The following ACOD1 variants were observed in gnomAD, a reference collection of about 807,000 sequenced individuals.
ACOD1 encodes cis-aconitate decarboxylase.
A neutral mutation model predicts 14.2 loss-of-function variants in ACOD1; 14 were observed. The ratio of observed to expected loss-of-function variants is 0.99; its 90% confidence interval spans 0.65 to 1.54. The LOEUF (loss-of-function observed/expected upper bound fraction) is 1.54. ACOD1 is among the 40% of genes most tolerant of loss of function. ACOD1 has a pLI of 0.00. For missense variants in ACOD1, 530 were observed against 586.3 expected (o/e 0.90, Z 0.99); for synonymous variants, 182 against 221.7 (o/e 0.82, Z 1.59).
intron 3 of ACOD1, among the ~76,000 whole-genome samples, 193 bp from the exon 4 acceptor site, chr13:76,955,126 C>CAAAAAAAAAAAAAAAAAAAAAAAAA: frequency 1.0e-5 from 1 of 98,874 alleles, no homozygotes; most frequent in South Asian, 4.2e-4. Context: ...GACTCTGTCT[C>CAAAAAAAAAAAAAAAAAAAAAAAAA]AAAAAAAAAA....
intron 1 of ACOD1, among the ~76,000 whole-genome samples, chr13:76,951,902 G>A (rs1191541882): frequency 6.6e-6 from 1 of 152,046 alleles, no homozygotes; most frequent in East Asian, 1.9e-4. Flanking sequence ...TGACCATTTG[G>A]GACTTGATAG....
At position 76,953,592 on chromosome 13, in the gene ACOD1, T is replaced by C. The variant is rs1168713407; in HGVS notation, c.175-8T>C. 2 of 1,523,866 alleles carry C rather than the reference T, an allele frequency of 1.3e-6. No individual in the cohort carries two copies. The highest frequency in any genetic ancestry group is 1.8e-6 in the Non-Finnish European group (2 of 1,122,990). 94.4% of individuals were successfully genotyped at this position (1,523,866 alleles called of 1,614,324 possible). A position where few individuals can be genotyped will look rare whatever the true frequency, so the allele number is the denominator to read the frequency against. Reference sequence around the variant, plus strand: ...ACACTATCACTGGTTGATTTGCTTTTGTTCCAGATCTACAGTTCCAACATA... The same window carrying C: ...ACACTATCACTGGTTGATTTGCTTTCGTTCCAGATCTACAGTTCCAACATA... On this transcript the variant is annotated splice_polypyrimidine_tract_variant and splice_region_variant and intron_variant, in intron 2 of 4. Coordinates refer to ENST00000377462, the MANE Select transcript of ACOD1 (RefSeq NM_001258406.2).
Position 76,957,664 on chromosome 13 carries a change from G to A in ACOD1, c.1125G>A (p.Pro375=), listed in dbSNP as rs199767917. 7.2e-5 allele frequency: 112 copies of A among 1,550,552 alleles called. No homozygotes were observed. Among genetic ancestry groups the A allele is most frequent in the Admixed American group, 6.7e-4 (34 of 50,998 alleles). ...LLSKVELEYP[P]DNLPSFNILY... ...GTAAGGTGGAGCTGGAGTACCCTCC[G>A]GACAACTTGCCAAGCTTCAACATAC... The change falls in exon 5 of 5, where the codon CCG becomes CCA. Residue 375 remains proline, a synonymous_variant. Transcript: ENST00000377462.
intron 3 of ACOD1, among the ~76,000 whole-genome samples, chr13:76,954,910 C>T (rs981001563): frequency 1.1e-4 from 17 of 151,972 alleles, no homozygotes; most frequent in Non-Finnish European, 1.9e-4. Context: ...GGGCGGATAA[C>T]GAGGTCAGGA....
Position 76,948,574 on chromosome 13 carries a change from T to C in ACOD1, c.12+4T>C, listed in dbSNP as rs1444384517. 1 of 1,536,224 alleles carries C rather than the reference T, an allele frequency of 6.5e-7. No individual in the cohort carries two copies. Among genetic ancestry groups the C allele is most frequent in the East Asian group, 2.5e-5 (1 of 40,542 alleles). On this transcript the variant is annotated splice_donor_region_variant and intron_variant, in intron 1 of 4. Transcript: ENST00000377462. ...TTACAACGAAATGATGCTCAAGGTA[T>C]TGTAGCATTTTATGTGACTTACTTA...
chr13:76,952,607 G>A lies in ACOD1; in HGVS notation c.131G>A (p.Gly44Glu), dbSNP rs1304188025. ...ILDTLGAGFL[G>E]TTTEVFHIAS... is the part of the protein sequence containing the mutation. ...GACACTCTGGGTGCTGGGTTCCTGGGAACCACTACGGAAGTGTTTCACATA... is the reference window on the plus strand; with the variant it reads ...GACACTCTGGGTGCTGGGTTCCTGGAAACCACTACGGAAGTGTTTCACATA... Residue 44 changes from glycine to glutamate, a missense_variant, in exon 2 of 5, where the codon GGA becomes GAA. By Grantham distance (98) the Gly-to-Glu change is moderately conservative. Coordinates refer to ENST00000377462, the MANE Select transcript of ACOD1 (RefSeq NM_001258406.2). 3.2e-6 allele frequency: 5 copies of A among 1,550,334 alleles called. No homozygotes were observed. Among genetic ancestry groups the A allele is most frequent in the Non-Finnish European group, 3.5e-6 (4 of 1,146,972 alleles).
chr13:76,955,906 A>G (rs2033870775), intron 4 of ACOD1, among the ~76,000 whole-genome samples: 1 of 152,230 alleles, frequency 6.6e-6, no homozygotes, highest in African/African-American at 2.4e-5. Context: ...GCAGATAAAA[A>G]ATGGTCAAAT....
rs1025231579 is a variant in ACOD1, at chr13:76,957,000, T to C, written c.471-10T>C. On this transcript the variant is annotated splice_polypyrimidine_tract_variant and intron_variant, in intron 4 of 4. Transcript: ENST00000377462. ...TTGTACATCTCCAACTCTGCTTCTT[T>C]GCTTTTCAGATTCCATCCCCCTTCC... is the stretch of plus-strand genomic sequence containing the variant. 39 of 1,539,960 alleles carry C rather than the reference T, an allele frequency of 2.5e-5. No individual in the cohort carries two copies. The highest frequency in any genetic ancestry group is 3.1e-5 in the Non-Finnish European group (35 of 1,141,216).
chr13:76,957,969 T>C lies in ACOD1; in HGVS notation c.1430T>C (p.Ile477Thr), dbSNP rs1277587914. ...ASNSPACNNSITNLS is the reference protein window; with the variant it reads ...ASNSPACNNSTTNLS Reference sequence around the variant, plus strand: ...AACTCTCCAGCATGTAATAATTCTATCACAAATCTCTCCTGAGGCTTACCA... The same window carrying C: ...AACTCTCCAGCATGTAATAATTCTACCACAAATCTCTCCTGAGGCTTACCA... The change falls in exon 5 of 5, where the codon ATC (isoleucine) becomes ACC (threonine). Residue 477 changes from isoleucine (I) to threonine (T), a missense_variant. Transcript: ENST00000377462. 3.9e-6 allele frequency: 6 copies of C among 1,529,312 alleles called. No individual in the cohort carries two copies. The African/African-American group carries it at 5.6e-5, about 14-fold the overall frequency. The allele number at this position is 1,529,312 out of a possible 1,614,324, so 94.7% of individuals were successfully genotyped here. A position where few individuals can be genotyped will look rare whatever the true frequency, so the allele number is the denominator to read the frequency against.
At chr13:76,953,004 T>C (rs1253919264) in intron 2 of ACOD1, among the ~76,000 whole-genome samples, 2 of 152,090 alleles carry the variant, frequency 1.3e-5, no homozygotes, top group African/African-American at 4.8e-5. Context: ...CCAGGTGTGA[T>C]AGCACACGCC....
Position 76,958,632 on chromosome 13 carries a change from G to T in ACOD1, c.*647G>T, listed in dbSNP as rs2033904443. 1 of 152,088 alleles carries T rather than the reference G, an allele frequency of 6.6e-6. No individual in the cohort carries two copies. The highest frequency in any genetic ancestry group is 2.4e-5 in the African/African-American group (1 of 41,420). 9.4% of individuals were successfully genotyped at this position (152,088 alleles called of 1,614,324 possible). A position where few individuals can be genotyped will look rare whatever the true frequency, so the allele number is the denominator to read the frequency against. On this transcript the variant is annotated 3_prime_UTR_variant, in exon 5 of 5. Transcript: ENST00000377462. ...TCAGTATAAAAATATTTGAATCAGAGTTGCAATAAAGAATGAAAAGGAAAA... is the reference window on the plus strand; with the variant it reads ...TCAGTATAAAAATATTTGAATCAGATTTGCAATAAAGAATGAAAAGGAAAA...
chr13:76,951,536 A>G (rs1021400064), intron 1 of ACOD1, among the ~76,000 whole-genome samples: 6 of 150,934 alleles, frequency 4.0e-5, no homozygotes, highest in African/African-American at 1.5e-4. Flanking sequence ...ACACCTGGTC[A>G]ATGAATAGAA....
At chr13:76,948,696 T>G in intron 1 of ACOD1, 126 bp downstream of exon 1, 3 of 709,608 alleles carry the variant, frequency 4.2e-6, no homozygotes, top group Non-Finnish European at 7.1e-6. Context: ...TCTTTCAACC[T>G]GTGGGCTACC....
Position 76,958,029 on chromosome 13 carries a change from T to A in ACOD1, c.*44T>A. 1 of 1,452,838 alleles carries A rather than the reference T, an allele frequency of 6.9e-7. No individual in the cohort carries two copies. The highest frequency in any genetic ancestry group is 9.0e-7 in the Non-Finnish European group (1 of 1,105,606). The allele number at this position is 1,452,838 out of a possible 1,614,324, so 90.0% of individuals were successfully genotyped here. On this transcript the variant is annotated 3_prime_UTR_variant, in exon 5 of 5. Coordinates refer to ENST00000377462, the MANE Select transcript of ACOD1 (RefSeq NM_001258406.2). ...TGACTTTGCATTTGGGGAGATTCAA[T>A]GATTTGGTTTGTAAAGCAAGGGTCT...
In ACOD1 at chr13:76,958,612, AT is replaced by A. The variant is rs1217856616; in HGVS notation, c.*628del. On this transcript the variant is annotated 3_prime_UTR_variant, in exon 5 of 5. Transcript: ENST00000377462. The stretch of plus-strand genomic sequence containing the variant: ...GCACTGCAATATATCACCTTTCAGT[AT>A]AAAAATATTTGAATCAGAGTTGCAA... 1.3e-5 allele frequency: 2 copies of A among 152,246 alleles called. No homozygotes were observed. The highest frequency in any genetic ancestry group is 2.9e-5 in the Non-Finnish European group (2 of 68,046). The allele number at this position is 152,246 out of a possible 1,614,324, so 9.4% of individuals were successfully genotyped here.
At chr13:76,956,041 A>G (rs940479291) in intron 4 of ACOD1, among the ~76,000 whole-genome samples, 4 of 152,230 alleles carry the variant, frequency 2.6e-5, no homozygotes, top group African/African-American at 9.6e-5. Context: ...CAATTCTCAC[A>G]GTGACTTAGA....
At position 76,957,170 on chromosome 13, in the gene ACOD1, A is replaced by G; in HGVS notation, c.631A>G (p.Ile211Val). ...NAATQTKPLHIGNAAKHGIEA... is the reference protein window; with the variant it reads ...NAATQTKPLHVGNAAKHGIEA... ...TGCCACCCAGACCAAGCCCCTCCAC[A>G]TTGGCAATGCTGCCAAGCATGGGAT... Residue 211 changes from isoleucine to valine, a missense_variant, in exon 5 of 5, where the codon ATT becomes GTT. Coordinates refer to ENST00000377462, the MANE Select transcript of ACOD1 (RefSeq NM_001258406.2). 4 of 1,550,652 alleles carry G rather than the reference A, an allele frequency of 2.6e-6. No individual in the cohort carries two copies. The highest frequency in any genetic ancestry group is 3.5e-6 in the Non-Finnish European group (4 of 1,146,998).
In ACOD1 at chr13:76,957,380, C is replaced by T; in HGVS notation, c.841C>T (p.His281Tyr). The T allele has an allele frequency of 6.4e-7, 1 of 1,550,626 alleles. No individual in the cohort carries two copies. The highest frequency in any genetic ancestry group is 8.7e-7 in the Non-Finnish European group (1 of 1,147,004). The change falls in exon 5 of 5, where the codon CAC (histidine) becomes TAC (tyrosine). Residue 281 changes from histidine (H) to tyrosine (Y), a missense_variant. His to Tyr is a moderately conservative substitution (Grantham distance 83, BLOSUM62 2). Coordinates refer to ENST00000377462, the MANE Select transcript of ACOD1 (RefSeq NM_001258406.2). ...GCGTTTTCCTGCACATTTATCTACC[C>T]ACTGGGTGGCAGACGCAGCTGCATC... ...FKRFPAHLST[H>Y]WVADAAASVR...
At chr13:76,956,680 T>G (rs909619334) in intron 4 of ACOD1, among the ~76,000 whole-genome samples, 1 of 151,896 alleles carries the variant, frequency 6.6e-6, no homozygotes, top group Non-Finnish European at 1.5e-5. Flanking sequence ...ATCCGGCAAA[T>G]TTTTGTATTT....
Sources: gnomAD v4.1 joint callset for allele counts (sites outside exome capture counted in the v4.1 genomes callset) on GRCh38, gnomAD v4.1.1 for gene constraint, MANE v1.5 for transcripts, NCBI Gene and HGNC (gene_info 2026-07-23, HGNC 2026-07-21) for gene names.